Variants in WDPCP observed in about 807,000 individuals in gnomAD.
WDPCP encodes the protein WD repeat-containing and planar cell polarity effector protein fritz homolog.
WDPCP carries 71 observed loss-of-function variants against 93.1 expected under a neutral mutation model. That is an observed-to-expected ratio of 0.76 (90% CI 0.63 to 0.93). WDPCP has a LOEUF of 0.93. Ranked by LOEUF, WDPCP falls within the 40% of genes least tolerant of loss-of-function variation. WDPCP has a pLI of 0.00. For synonymous variants in WDPCP, 315 were observed against 315.0 expected (o/e 1.00, Z 0.00); for missense variants, 844 against 887.4 (o/e 0.95, Z 0.62).
chr2:63,522,451 G>GAAAGACAC (rs1553420212), intron 1 of WDPCP, among the ~76,000 whole-genome samples: 1,629 of 91,960 alleles, frequency 0.018, 44 homozygotes, highest in African/African-American at 0.073. Flanking sequence ...CAGACAGACA[G>GAAAGACAC]ACAGACACAC....
chr2:63,480,367 C>G (rs1289897676), intron 6 of WDPCP, among the ~76,000 whole-genome samples: 1 of 152,022 alleles, frequency 6.6e-6, no homozygotes, highest in Non-Finnish European at 1.5e-5. Flanking sequence ...CCATTCTTCA[C>G]AGAACTAGAA....
At chr2:63,721,493 C>A (rs1240826774) in intron 2 of WDPCP, among the ~76,000 whole-genome samples, 1 of 152,110 alleles carries the variant, frequency 6.6e-6, no homozygotes, top group Admixed American at 6.5e-5. Context: ...CCCTCTTACC[C>A]CTTCTAATCT....
chr2:63,414,940 G>A (rs1695306915), intron 9 of WDPCP, among the ~76,000 whole-genome samples: 1 of 152,076 alleles, frequency 6.6e-6, no homozygotes, highest in Non-Finnish European at 1.5e-5. Flanking sequence ...GCCAATCCTA[G>A]ATTACTCTTA....
chr2:63,350,123 A>C (rs1382983931), intron 12 of WDPCP, among the ~76,000 whole-genome samples: 1 of 152,232 alleles, frequency 6.6e-6, no homozygotes, highest in Non-Finnish European at 1.5e-5. Context: ...AAAAAAGGTG[A>C]GTTCATGTCC....
At chr2:63,691,873 AGTGTGT>A (rs71393325) in intron 2 of WDPCP, among the ~76,000 whole-genome samples, 25,915 of 145,064 alleles carry the variant, frequency 0.18, 2,356 homozygotes, top group South Asian at 0.22. Flanking sequence ...TATACTACAA[AGTGTGT>A]GTGTGTGTGT....
At chr2:63,183,927 T>C (rs956406407) in intron 14 of WDPCP, among the ~76,000 whole-genome samples, 4 of 152,210 alleles carry the variant, frequency 2.6e-5, no homozygotes, top group Non-Finnish European at 2.9e-5. Flanking sequence ...TTTTATCTGA[T>C]ATAAGCGTAG....
intron 3 of WDPCP, among the ~76,000 whole-genome samples, chr2:63,602,763 A>G (rs972839561): frequency 6.6e-6 from 1 of 152,074 alleles, no homozygotes; most frequent in Non-Finnish European, 1.5e-5. Flanking sequence ...GAGAATTTAC[A>G]AAAGTGGAAT....
intron 6 of WDPCP, among the ~76,000 whole-genome samples, chr2:63,458,464 A>G (rs1575459170): frequency 1.3e-5 from 2 of 152,190 alleles, no homozygotes; most frequent in African/African-American, 4.8e-5. Context: ...TAGGCGAGAA[A>G]GAAATCAAGA....
intron 2 of WDPCP, chr2:63,752,162 A>C (rs531983319): frequency 1.9e-5 from 12 of 634,272 alleles, no homozygotes; most frequent in South Asian, 1.6e-4. Context: ...TTATCCACGG[A>C]GTCATGGTCA....
chr2:63,776,577 G>T (rs1670305888), intron 2 of WDPCP, among the ~76,000 whole-genome samples: 1 of 148,934 alleles, frequency 6.7e-6, no homozygotes, highest in African/African-American at 2.5e-5. Flanking sequence ...GATCACCTGA[G>T]CCTGGGAGGT....
At chr2:63,737,033 C>A (rs907587417) in intron 2 of WDPCP, among the ~76,000 whole-genome samples, 10 of 152,226 alleles carry the variant, frequency 6.6e-5, no homozygotes, top group Non-Finnish European at 1.5e-4. Flanking sequence ...ATTTCTCTAC[C>A]TCTCCTGGAG....
At chr2:63,246,238 C>A (rs1680262592) in intron 14 of WDPCP, among the ~76,000 whole-genome samples, 1 of 152,084 alleles carries the variant, frequency 6.6e-6, no homozygotes, top group African/African-American at 2.4e-5. Flanking sequence ...CTCACCAGTC[C>A]ATTATTATGC....
chr2:63,762,817 C>T (rs550635468), intron 2 of WDPCP, among the ~76,000 whole-genome samples: 26 of 152,302 alleles, frequency 1.7e-4, no homozygotes, highest in African/African-American at 6.3e-4. Context: ...CTCCACCCCA[C>T]CTCTCAATAC....
chr2:63,346,815 T>C (rs1385353283), intron 12 of WDPCP, among the ~76,000 whole-genome samples: 1 of 152,208 alleles, frequency 6.6e-6, no homozygotes. Flanking sequence ...TTGCATTCCC[T>C]CTCTTTGCTC....
chr2:63,253,035 C>T (rs915514980), intron 14 of WDPCP, among the ~76,000 whole-genome samples: 1 of 151,948 alleles, frequency 6.6e-6, no homozygotes, highest in African/African-American at 2.4e-5. Flanking sequence ...CTGCAGTAAC[C>T]AAAACAACAT....
intron 15 of WDPCP, among the ~76,000 whole-genome samples, chr2:63,168,096 T>C (rs543993126): frequency 8.6e-6 from 1 of 116,388 alleles, no homozygotes; most frequent in African/African-American, 3.4e-5. Context: ...CAGGCAAGAG[T>C]GAGACCCTGC....
chr2:63,682,796 A>G (rs1668738684), intron 2 of WDPCP, among the ~76,000 whole-genome samples: 1 of 152,306 alleles, frequency 6.6e-6, no homozygotes, highest in Middle Eastern at 3.4e-3. Flanking sequence ...CATACAGAAT[A>G]TTACAACACT....
chr2:63,376,020 G>A (rs1221261823), intron 12 of WDPCP, among the ~76,000 whole-genome samples: 1 of 151,846 alleles, frequency 6.6e-6, no homozygotes, highest in Admixed American at 6.6e-5. Flanking sequence ...CCAAAGGACA[G>A]GGAGTAATGT....
intron 13 of WDPCP, among the ~76,000 whole-genome samples, chr2:63,310,234 G>A (rs1244619838): frequency 2.0e-5 from 3 of 152,110 alleles, no homozygotes; most frequent in East Asian, 1.9e-4. Context: ...ATGAAAGCAA[G>A]CAAAGTTAGG....
Sources: gnomAD v4.1 joint callset for allele counts (sites outside exome capture counted in the v4.1 genomes callset) on GRCh38, gnomAD v4.1.1 for gene constraint, MANE v1.5 for transcripts, NCBI Gene and HGNC (gene_info 2026-07-23, HGNC 2026-07-21) for gene names.